The following SAXO1 variants were observed in gnomAD, a reference collection of about 807,000 sequenced individuals.
SAXO1 encodes the protein stabilizer of axonemal microtubules 1.
A neutral mutation model predicts 17.5 loss-of-function variants in SAXO1; 21 were observed. The observed-to-expected ratio is 1.20, with a 90% CI of 0.85 to 1.72. SAXO1 has a LOEUF of 1.72. Ranked by LOEUF, SAXO1 falls within the 40% of genes most tolerant of loss-of-function variation. The probability of loss-of-function intolerance (pLI) is 0.00; values close to 1 mark genes in which losing one functional copy is unlikely to be tolerated. For missense variants in SAXO1, 843 were observed against 596.0 expected (o/e 1.41, Z -4.32); for synonymous variants, 274 against 216.5 (o/e 1.27, Z -2.33).
intron 1 of SAXO1, among the ~76,000 whole-genome samples, chr9:19,001,788 A>C (rs1834281594): frequency 1.3e-5 from 2 of 152,196 alleles, no homozygotes; most frequent in Admixed American, 1.3e-4. Flanking sequence ...CCATAAGAGA[A>C]AGCATGAAAG....
intron 1 of SAXO1, among the ~76,000 whole-genome samples, chr9:19,040,140 A>G (rs1014949097): frequency 1.3e-5 from 2 of 152,174 alleles, no homozygotes; most frequent in Non-Finnish European, 2.9e-5. Context: ...AATTTGAATG[A>G]TTTATAAGAT....
chr9:18,990,895 G>A (rs1303009861), intron 1 of SAXO1, among the ~76,000 whole-genome samples: 2 of 152,076 alleles, frequency 1.3e-5, no homozygotes, highest in African/African-American at 4.8e-5. Context: ...CAAGCTCAGG[G>A]CTCCCATTGA....
At chr9:18,930,602 C>A (rs1024661094) in intron 3 of SAXO1, among the ~76,000 whole-genome samples, 7 of 152,068 alleles carry the variant, frequency 4.6e-5, no homozygotes, top group Admixed American at 1.3e-4. Flanking sequence ...CAGGTTCAAG[C>A]GATTCTCCTG....
At chr9:19,013,148 T>C (rs779054511) in intron 1 of SAXO1, among the ~76,000 whole-genome samples, 2 of 151,964 alleles carry the variant, frequency 1.3e-5, no homozygotes, top group Non-Finnish European at 2.9e-5. Context: ...AAAAAGGAAT[T>C]TGTGAAAGAC....
chr9:18,972,175 GCAGATATA>G (rs759687077), intron 1 of SAXO1, among the ~76,000 whole-genome samples: 2 of 152,208 alleles, frequency 1.3e-5, no homozygotes, highest in Non-Finnish European at 2.9e-5. Context: ...GAGAAAACAG[GCAGATATA>G]CACATACAAT....
chr9:18,989,235 T>G (rs1478754132), intron 1 of SAXO1, among the ~76,000 whole-genome samples: 3 of 152,190 alleles, frequency 2.0e-5, no homozygotes, highest in Non-Finnish European at 2.9e-5. Context: ...GAACATTCGA[T>G]GCCTCTTTCT....
chr9:19,030,017 A>G (rs566278447), intron 1 of SAXO1, among the ~76,000 whole-genome samples: 22 of 152,346 alleles, frequency 1.4e-4, no homozygotes, highest in African/African-American at 4.8e-4. Context: ...TAATTAATCG[A>G]GGATATAAAG....
intron 1 of SAXO1, among the ~76,000 whole-genome samples, chr9:18,998,971 G>A (rs1341290306): frequency 6.6e-6 from 1 of 152,132 alleles, no homozygotes; most frequent in Non-Finnish European, 1.5e-5. Flanking sequence ...AATACAGAAA[G>A]GAACAACCAG....
chr9:19,046,415 G>T (rs1254015693), intron 1 of SAXO1, among the ~76,000 whole-genome samples: 2 of 152,162 alleles, frequency 1.3e-5, no homozygotes, highest in African/African-American at 4.8e-5. Flanking sequence ...AATTAGGCAG[G>T]CCAGGTGCGG....
At chr9:18,978,395 G>A (rs1456862139) in intron 1 of SAXO1, among the ~76,000 whole-genome samples, 1 of 152,184 alleles carries the variant, frequency 6.6e-6, no homozygotes, top group Non-Finnish European at 1.5e-5. Flanking sequence ...GTTCTGGCCT[G>A]AAGAGCTCAC....
chr9:18,994,275 A>C (rs1038062509), intron 1 of SAXO1, among the ~76,000 whole-genome samples: 1 of 152,142 alleles, frequency 6.6e-6, no homozygotes, highest in African/African-American at 2.4e-5. Flanking sequence ...CCCTTAAGCC[A>C]CTGAAACCTT....
At chr9:18,982,240 A>G (rs1833419239) in intron 1 of SAXO1, among the ~76,000 whole-genome samples, 1 of 152,198 alleles carries the variant, frequency 6.6e-6, no homozygotes, top group South Asian at 2.1e-4. Flanking sequence ...ATGCAAACCC[A>G]TTGGCCATTA....
At chr9:18,947,217 C>G (rs1294505845) in intron 2 of SAXO1, among the ~76,000 whole-genome samples, 1 of 152,176 alleles carries the variant, frequency 6.6e-6, no homozygotes, top group East Asian at 1.9e-4. Flanking sequence ...AGTCAGGTGT[C>G]TCTTTGAACA....
chr9:19,006,055 A>G (rs1420277423), intron 1 of SAXO1, among the ~76,000 whole-genome samples: 1 of 152,246 alleles, frequency 6.6e-6, no homozygotes, highest in Non-Finnish European at 1.5e-5. Context: ...GATAAATGCA[A>G]ATCACAATCA....
intron 1 of SAXO1, among the ~76,000 whole-genome samples, chr9:18,998,489 T>C (rs559048087): frequency 3.3e-5 from 5 of 152,328 alleles, no homozygotes; most frequent in South Asian, 2.1e-4. Flanking sequence ...CTATGTCTGA[T>C]TGGTGTACCT....
chr9:18,928,620 A>T lies in SAXO1; in HGVS notation c.857T>A (p.Met286Lys), dbSNP rs753068297. 10 of 1,614,150 alleles carry T rather than the reference A, an allele frequency of 6.2e-6. No homozygotes were observed. In the East Asian group the frequency reaches 2.2e-4, roughly 36 times the overall value. Residue 286 changes from methionine (M) to lysine (K), a missense_variant, in exon 4 of 4, where the codon ATG (methionine) becomes AAG (lysine). By Grantham distance (95) the Met-to-Lys change is moderately conservative. Coordinates refer to ENST00000380534, the MANE Select transcript of SAXO1 (RefSeq NM_153707.4). ...DKYQAWPMPRMFSKAPITYVP... is the reference protein window; with the variant it reads ...DKYQAWPMPRKFSKAPITYVP... ...GTAGGTGATGGGAGCTTTGGAGAACATCCGGGGCATTGGCCAAGCTTGGTA... is the reference window on the plus strand; with the variant it reads ...GTAGGTGATGGGAGCTTTGGAGAACTTCCGGGGCATTGGCCAAGCTTGGTA...
chr9:18,994,615 T>C (rs1833934388), intron 1 of SAXO1, among the ~76,000 whole-genome samples: 1 of 152,132 alleles, frequency 6.6e-6, no homozygotes, highest in Admixed American at 6.5e-5. Flanking sequence ...GCTGCAATCC[T>C]AACAGAGACC....
At chr9:18,948,215 G>C (rs1831874826) in intron 2 of SAXO1, among the ~76,000 whole-genome samples, 2 of 152,200 alleles carry the variant, frequency 1.3e-5, no homozygotes, top group South Asian at 2.1e-4. Flanking sequence ...GCATAATTTT[G>C]TTCTCGGTCT....
chr9:18,956,358 T>A (rs1832259246), intron 1 of SAXO1, among the ~76,000 whole-genome samples: 1 of 152,196 alleles, frequency 6.6e-6, no homozygotes, highest in South Asian at 2.1e-4. Flanking sequence ...GTAGCTGGTA[T>A]AACGTGACTT....
Sources: gnomAD v4.1 joint callset for allele counts (sites outside exome capture counted in the v4.1 genomes callset) on GRCh38, gnomAD v4.1.1 for gene constraint, MANE v1.5 for transcripts, NCBI Gene and HGNC (gene_info 2026-07-23, HGNC 2026-07-21) for gene names.